NDUFA10: variants seen among roughly 807,000 people sequenced by gnomAD.
NDUFA10 encodes NADH:ubiquinone oxidoreductase subunit A10.
NDUFA10 carries 40 observed loss-of-function variants against 47.8 expected under a neutral mutation model. The observed-to-expected ratio is 0.84, with a 90% CI of 0.65 to 1.09. The LOEUF is 1.09. Among genes scored for constraint, NDUFA10 ranks in the 50% least tolerant of loss-of-function variants. The pLI is 0.00. For synonymous variants in NDUFA10, 183 were observed against 172.2 expected (o/e 1.06, Z -0.49); for missense variants, 413 against 451.1 (o/e 0.92, Z 0.76).
intron 4 of NDUFA10, among the ~76,000 whole-genome samples, chr2:239,938,957 G>A (rs6437330): frequency 0.37 from 56,183 of 151,978 alleles, 10,550 homozygotes; most frequent in East Asian, 0.47. Flanking sequence ...ATTCCTCGGC[G>A]GAAAGACGCT....
intron 9 of NDUFA10, among the ~76,000 whole-genome samples, chr2:239,981,171 T>C (rs1695758208): frequency 6.6e-6 from 1 of 152,206 alleles, no homozygotes; most frequent in South Asian, 2.1e-4. Context: ...ACTAAAATAC[T>C]AGCTGCTCTC....
intron 4 of NDUFA10, among the ~76,000 whole-genome samples, chr2:239,913,701 T>C (rs1418812056): frequency 6.6e-6 from 1 of 152,068 alleles, no homozygotes; most frequent in East Asian, 1.9e-4. Flanking sequence ...AACCGGAAAA[T>C]TGTAGTATTC....
intron 8 of NDUFA10, among the ~76,000 whole-genome samples, chr2:239,990,683 T>C (rs566180677): frequency 3.3e-5 from 5 of 152,296 alleles, no homozygotes; most frequent in Admixed American, 3.3e-4. Context: ...GAGGCCAACA[T>C]AGGATGGTCT....
At chr2:240,008,461 T>A (rs748851353) in intron 6 of NDUFA10, among the ~76,000 whole-genome samples, 1 of 152,340 alleles carries the variant, frequency 6.6e-6, no homozygotes, top group South Asian at 2.1e-4. Flanking sequence ...CAGCTACCCA[T>A]TGTTAATACG....
chr2:239,927,029 C>G (rs913132568), intron 4 of NDUFA10, among the ~76,000 whole-genome samples: 13 of 152,058 alleles, frequency 8.5e-5, no homozygotes, highest in Admixed American at 7.2e-4. Context: ...AAAGATCCAC[C>G]CCCACGATTC....
At position 240,023,905 on chromosome 2, in the gene NDUFA10, T is replaced by C. The variant is rs185746043; in HGVS notation, c.75+1322A>G. On this transcript the variant is annotated intron_variant, in intron 1 of 9. Transcript: ENST00000252711. Reference sequence around the variant, plus strand: ...TATATGAAAAGATGAACACTGTATATCATGAGATATTCCAAAGTTGAAACA... The same window carrying C: ...TATATGAAAAGATGAACACTGTATACCATGAGATATTCCAAAGTTGAAACA... Among the ~76,000 whole-genome samples, 4 of 152,292 alleles carry C rather than the reference T, an allele frequency of 2.6e-5. No homozygotes were observed. In the East Asian group the frequency reaches 7.7e-4, roughly 29 times the overall value.
intron 4 of NDUFA10, among the ~76,000 whole-genome samples, chr2:239,915,244 TACAC>T (rs144508151): frequency 0.37 from 44,428 of 120,790 alleles, 6,925 homozygotes; most frequent in Middle Eastern, 0.43. Context: ...TACACAAACA[TACAC>T]ACACAACACA....
Position 240,014,759 on chromosome 2 carries a change from G to C in NDUFA10, c.649C>G (p.Arg217Gly). 1 of 1,614,122 alleles carries C rather than the reference G, an allele frequency of 6.2e-7. No individual in the cohort carries two copies. The highest frequency in any genetic ancestry group is 1.7e-5 in the Admixed American group (1 of 60,020). ...IDVPVPEVQR[R>G]IQKKGDPHEM... ...ATTACATCTCCTTTCTTCTGAATCC[G>C]CCTCTGGACCTCTGGAACGGGCACA... is the stretch of plus-strand genomic sequence containing the variant. Residue 217 changes from arginine to glycine, a missense_variant, in exon 5 of 10, where the codon CGG (arginine) becomes GGG (glycine). Coordinates refer to ENST00000252711, the MANE Select transcript of NDUFA10 (RefSeq NM_004544.4).
chr2:239,952,567 T>G (rs1369095394), downstream of NDUFA10, among the ~76,000 whole-genome samples: 1 of 152,124 alleles, frequency 6.6e-6, no homozygotes, highest in Non-Finnish European at 1.5e-5. Context: ...TTTTCTGGGT[T>G]TTTTGAACTT....
chr2:240,022,238 T>C lies in NDUFA10; in HGVS notation c.178A>G (p.Ile60Val), dbSNP rs781189175. 7 of 1,614,178 alleles carry C rather than the reference T, an allele frequency of 4.3e-6. No homozygotes were observed. The African/African-American group carries it at 5.3e-5, about 12-fold the overall frequency. ...SKRLTERSRV[I>V]TVDGNICTGK... ...GTACATATATTGCCATCTACAGTTA[T>C]CACTCTGCTGCGTTCTGTCAGTCTT... Residue 60 changes from isoleucine to valine, a missense_variant, in exon 2 of 10, where the codon ATA (isoleucine) becomes GTA (valine). Coordinates refer to ENST00000252711, the MANE Select transcript of NDUFA10 (RefSeq NM_004544.4).
chr2:239,896,685 G>A (rs1693404339), intron 4 of NDUFA10, among the ~76,000 whole-genome samples: 1 of 152,210 alleles, frequency 6.6e-6, no homozygotes, highest in Admixed American at 6.5e-5. Flanking sequence ...TGCTATAGAG[G>A]TAAAGGAAGT....
chr2:239,999,964 C>T (rs1390970843), intron 8 of NDUFA10, among the ~76,000 whole-genome samples: 1 of 152,206 alleles, frequency 6.6e-6, no homozygotes, highest in African/African-American at 2.4e-5. Context: ...CACTTCCTAT[C>T]ACAGCAGCTG....
At chr2:239,967,665 C>T (rs1695133890) in intron 9 of NDUFA10, among the ~76,000 whole-genome samples, 1 of 152,226 alleles carries the variant, frequency 6.6e-6, no homozygotes, top group Non-Finnish European at 1.5e-5. Context: ...AGGTCCTGCG[C>T]CTGGCAACAG....
chr2:239,903,525 A>G (rs1693592208), intron 4 of NDUFA10, among the ~76,000 whole-genome samples: 1 of 152,208 alleles, frequency 6.6e-6, no homozygotes, highest in Non-Finnish European at 1.5e-5. Flanking sequence ...CTGTTTTTCT[A>G]TAAGGCCAGA....
In NDUFA10 at chr2:239,960,288, T is replaced by C; in HGVS notation, c.*830A>G. On this transcript the variant is annotated 3_prime_UTR_variant, in exon 10 of 10. Coordinates refer to ENST00000252711, the MANE Select transcript of NDUFA10 (RefSeq NM_004544.4). Reference sequence around the variant, plus strand: ...GAACCACAACCAGCTTGTTTTGGTTTTCTAGGCTTCAACAGAGATGAATAA... The same window carrying C: ...GAACCACAACCAGCTTGTTTTGGTTCTCTAGGCTTCAACAGAGATGAATAA... 3 of 985,680 alleles carry C rather than the reference T, an allele frequency of 3.0e-6. No individual in the cohort carries two copies. The highest frequency in any genetic ancestry group is 2.4e-6 in the Non-Finnish European group (2 of 830,106). The allele number at this position is 985,680 out of a possible 1,614,324, so 61.1% of individuals were successfully genotyped here.
Position 239,960,165 on chromosome 2 carries a change from C to T in NDUFA10, c.*953G>A. The T allele has an allele frequency of 1.0e-6, 1 of 980,542 alleles. No individual in the cohort carries two copies. The highest frequency in any genetic ancestry group is 1.2e-6 in the Non-Finnish European group (1 of 829,716). 60.7% of individuals were successfully genotyped at this position (980,542 alleles called of 1,614,324 possible). The stretch of plus-strand genomic sequence containing the variant: ...ACAGTTCAGTAGGACTCACAACTGG[C>T]AGCCTGATTCCTAATGGACACAGTG... On this transcript the variant is annotated 3_prime_UTR_variant, in exon 10 of 10. Coordinates refer to ENST00000252711, the MANE Select transcript of NDUFA10 (RefSeq NM_004544.4).
At chr2:239,984,299 C>A (rs918856549) in intron 9 of NDUFA10, among the ~76,000 whole-genome samples, 2 of 151,684 alleles carry the variant, frequency 1.3e-5, no homozygotes, top group African/African-American at 4.8e-5. Context: ...AACAAGTGTA[C>A]CATACTCACA....
At chr2:239,972,670 G>A (rs1435790190) in intron 9 of NDUFA10, among the ~76,000 whole-genome samples, 1 of 152,036 alleles carries the variant, frequency 6.6e-6, no homozygotes, top group Non-Finnish European at 1.5e-5. Flanking sequence ...TTTTGAAAAT[G>A]TGTGTTCTAT....
chr2:240,013,997 T>C (rs966375792), intron 5 of NDUFA10: 1 of 151,910 alleles, frequency 6.6e-6, no homozygotes, highest in African/African-American at 2.4e-5. Flanking sequence ...GGCAGGAGAA[T>C]GGCGTGAACC....
Sources: allele counts gnomAD v4.1 joint callset (sites outside exome capture counted in the v4.1 genomes callset), GRCh38; gene constraint gnomAD v4.1.1; transcripts MANE v1.5; gene names NCBI Gene and HGNC (gene_info 2026-07-23, HGNC 2026-07-21).